The following GOLGA2 variants were observed in gnomAD, a reference collection of about 807,000 sequenced individuals.
The protein encoded by GOLGA2 is golgin subfamily A member 2.
In GOLGA2, 49 loss-of-function variants were observed where a neutral mutation model predicts 148.8. The ratio of observed to expected loss-of-function variants is 0.33; its 90% CI spans 0.26 to 0.42. GOLGA2 has a LOEUF of 0.42. GOLGA2 is among the 10% of genes least tolerant of loss of function. The pLI is 1.00. For synonymous variants in GOLGA2, 501 were observed against 511.8 expected (o/e 0.98, Z 0.28); for missense variants, 1,178 against 1,304.6 (o/e 0.90, Z 1.49).
chr9:128,268,305 C>A, intron 4 of GOLGA2, 115 bp downstream of exon 4: 1 of 1,035,118 alleles, frequency 9.7e-7, no homozygotes, highest in South Asian at 1.3e-5. Context: ...AGCCTTCCCC[C>A]GGCCCGGTCC....
intron 1 of GOLGA2, chr9:128,275,301 A>G (rs1384476227): frequency 1.2e-6 from 1 of 820,288 alleles, no homozygotes; most frequent in Non-Finnish European, 1.8e-6. Context: ...TCCTAAGATC[A>G]AAGACTGGTC....
At position 128,266,201 on chromosome 9, in the gene GOLGA2, T is replaced by G. The variant is rs1830586914; in HGVS notation, c.681+86A>C. ...TGAGCCTTCTTCCCCAGGCTGGGAG[T>G]GGGTGAGACGAGACTGAGGCCTCTA... On this transcript the variant is annotated intron_variant, in intron 9 of 26. Coordinates refer to ENST00000611957, the MANE Select transcript of GOLGA2 (RefSeq NM_001366244.2). This position sits in a 1 kb window ranked among gnomAD's most constrained non-coding sequence, Gnocchi z 4.2. The G allele has an allele frequency of 4.7e-5, 65 of 1,384,044 alleles. 2 individuals are homozygous for G. The South Asian group carries it at 7.5e-4, about 16-fold the overall frequency. The allele number at this position is 1,384,044 out of a possible 1,614,324, so 85.7% of individuals were successfully genotyped here.
chr9:128,266,236 G>A lies in GOLGA2; in HGVS notation c.681+51C>T. 7 of 1,520,726 alleles carry A rather than the reference G, an allele frequency of 4.6e-6. No homozygotes were observed. Among genetic ancestry groups the A allele is most frequent in the Non-Finnish European group, 6.4e-6 (7 of 1,095,608 alleles). The allele number at this position is 1,520,726 out of a possible 1,614,324, so 94.2% of individuals were successfully genotyped here. On this transcript the variant is annotated intron_variant, in intron 9 of 26. Transcript: ENST00000611957. The surrounding 1 kb of genome is among the most constrained non-coding windows in gnomAD (Gnocchi z 4.2). ...GAGACTGAGGCCTCTACATTTGAAT[G>A]CCCCCCAAACCCAGCAGTCATGTTG...
At chr9:128,273,714 C>A in intron 2 of GOLGA2, 136 bp downstream of exon 2, 1 of 1,126,306 alleles carries the variant, frequency 8.9e-7, no homozygotes, top group Non-Finnish European at 1.3e-6. Context: ...TAAATCACAT[C>A]CCTAGCAGAT....
At position 128,257,473 on chromosome 9, in the gene GOLGA2, T is replaced by C; in HGVS notation, c.2771A>G (p.Asn924Ser). The change falls in exon 26 of 27, where the codon AAC becomes AGC. Residue 924 changes from asparagine (N) to serine (S), a missense_variant. Coordinates refer to ENST00000611957, the MANE Select transcript of GOLGA2 (RefSeq NM_001366244.2). This position sits in a 1 kb window ranked among gnomAD's most constrained non-coding sequence, Gnocchi z 8.0. Reference protein sequence around the residue: ...ELVLRLVGDRNEWHGRFLAAA... With the variant: ...ELVLRLVGDRSEWHGRFLAAA... ...TGCCAGGAATCTGCCATGCCACTCG[T>C]TGCGGTCGCCCACAAGCCGTAAGAC... 3.7e-6 allele frequency: 6 copies of C among 1,613,374 alleles called. No individual in the cohort carries two copies. Among genetic ancestry groups the C allele is most frequent in the Non-Finnish European group, 5.1e-6 (6 of 1,179,976 alleles).
At position 128,261,212 on chromosome 9, in the gene GOLGA2, C is replaced by T; in HGVS notation, c.1380G>A (p.Gln460=). Residue 460 remains glutamine (Q), a synonymous_variant, in exon 17 of 27, where the codon CAG becomes CAA. Transcript: ENST00000611957. This position sits in a 1 kb window ranked among gnomAD's most constrained non-coding sequence, Gnocchi z 5.7. The part of the protein sequence containing the change: ...EEKECSMSRV[Q]ELETSLAELR... Reference sequence around the variant, plus strand: ...GTTCAGCCAAGCTCGTCTCCAGCTCCTGTACCCGACTCATGCTACATTCCT... The same window carrying T: ...GTTCAGCCAAGCTCGTCTCCAGCTCTTGTACCCGACTCATGCTACATTCCT... 1.2e-6 allele frequency: 2 copies of T among 1,614,054 alleles called. No homozygotes were observed. Among genetic ancestry groups the T allele is most frequent in the Non-Finnish European group, 1.7e-6 (2 of 1,179,908 alleles).
intron 3 of GOLGA2, among the ~76,000 whole-genome samples, chr9:128,268,756 C>T (rs749379194): frequency 3.9e-5 from 6 of 152,176 alleles, no homozygotes; most frequent in African/African-American, 7.2e-5. Context: ...TTCATGAACA[C>T]GAGGACCTCG....
chr9:128,257,270 C>T lies in GOLGA2; in HGVS notation c.2887G>A (p.Val963Met). ...AANQQGDLCE[V>M]SLAGSVEPAQ... The stretch of plus-strand genomic sequence containing the variant: ...GGCTCCACACTGCCGGCGAGGCTCA[C>T]CTCGCAAAGATCTTTGGAGAGAGAG... The change falls in exon 27 of 27, where the codon GTG becomes ATG. Residue 963 changes from valine to methionine, a missense_variant. Val to Met is a conservative substitution (Grantham distance 21, BLOSUM62 1). Around this residue, in one of 5 missense-constraint regions of GOLGA2, gnomAD observed 149 missense variants for 154.9 expected, o/e 0.96. Transcript: ENST00000611957. This position sits in a 1 kb window ranked among gnomAD's most constrained non-coding sequence, Gnocchi z 8.0. The T allele has an allele frequency of 6.2e-7, 1 of 1,612,986 alleles. No homozygotes were observed. The highest frequency in any genetic ancestry group is 8.5e-7 in the Non-Finnish European group (1 of 1,179,762).
Position 128,258,453 on chromosome 9 carries a change from A to G in GOLGA2, c.2289+2T>C. 2 of 1,611,784 alleles carry G rather than the reference A, an allele frequency of 1.2e-6. No homozygotes were observed. Among genetic ancestry groups the G allele is most frequent in the South Asian group, 1.1e-5 (1 of 90,900 alleles). ...AGGTTGGGGAGGGGGAGTCAGCCTC[A>G]CCATGGCTTCCCGGCTCTCCAGGTC... On this transcript the variant is annotated splice_donor_variant, in intron 22 of 26. Coordinates refer to ENST00000611957, the MANE Select transcript of GOLGA2 (RefSeq NM_001366244.2). LOFTEE classifies it high-confidence loss of function. This position sits in a 1 kb window ranked among gnomAD's most constrained non-coding sequence, Gnocchi z 6.6.
rs781537290 is a variant in GOLGA2, at chr9:128,267,961, G to T, written c.474C>A (p.Ser158=). The T allele has an allele frequency of 2.5e-6, 4 of 1,613,846 alleles. No individual in the cohort carries two copies. The East Asian group carries it at 6.7e-5, about 27-fold the overall frequency. Residue 158 remains serine, a synonymous_variant, in exon 6 of 27, where the codon TCC becomes TCA. Transcript: ENST00000611957. ...CACAAACAAGACCATTGAGCTGTTG[G>T]GAGAGTTGTCGCAGGCTCTCGGTTG... is the stretch of plus-strand genomic sequence containing the variant. ...FSSTESLRQL[S]QQLNGLVCES...
intron 3 of GOLGA2, among the ~76,000 whole-genome samples, chr9:128,270,194 C>T (rs1240848987): frequency 7.4e-6 from 1 of 135,080 alleles, no homozygotes. Flanking sequence ...AGTGTAGTGG[C>T]GAGATCTCCA....
chr9:128,262,698 G>A lies in GOLGA2; in HGVS notation c.999C>T (p.Ser333=), dbSNP rs755953881. 64 of 1,612,662 alleles carry A rather than the reference G, an allele frequency of 4.0e-5. No homozygotes were observed. Among genetic ancestry groups the A allele is most frequent in the Middle Eastern group, 1.8e-4 (1 of 5,684 alleles). The change falls in exon 14 of 27, where the codon AGC becomes AGT. Residue 333 remains serine (S), a synonymous_variant. Transcript: ENST00000611957. ...ATTTCTCTTGCTTCAGGTCCTCATT[G>A]CTTTGGCTATGGCCAGAGGCAGTAG... is the stretch of plus-strand genomic sequence containing the variant. The part of the protein sequence containing the change: ...LRLELYKNTQ[S]NEDLKQEKSE...
Position 128,259,019 on chromosome 9 carries a change from G to A in GOLGA2, c.2161C>T (p.His721Tyr). 6 of 1,601,596 alleles carry A rather than the reference G, an allele frequency of 3.7e-6. No homozygotes were observed. The highest frequency in any genetic ancestry group is 5.1e-6 in the Non-Finnish European group (6 of 1,172,260). ...QLRAQLSLMA[H>Y]PGEGDGLDRE... ...CAGGTTCCCGTACCTTCCCCAGGGT[G>A]AGCCATGAGGCTCAACTGGGCCCGT... is the stretch of plus-strand genomic sequence containing the variant. The change falls in exon 21 of 27, where the codon CAC (histidine) becomes TAC (tyrosine). Residue 721 changes from histidine to tyrosine, a missense_variant. By Grantham distance (83) the His-to-Tyr change is moderately conservative. Around this residue, in one of 5 missense-constraint regions of GOLGA2, gnomAD observed 529 missense variants for 521.8 expected, o/e 1.01. Transcript: ENST00000611957.
At chr9:128,264,203 G>A (rs1450337693) in intron 12 of GOLGA2, among the ~76,000 whole-genome samples, 1 of 151,176 alleles carries the variant, frequency 6.6e-6, no homozygotes, top group African/African-American at 2.4e-5. Context: ...GGAACAGGGA[G>A]AGAGAGCGAA....
chr9:128,266,102 A>G lies in GOLGA2; in HGVS notation c.682-82T>C, dbSNP rs1830581490. ...GGGACATGCCCCCAGAATGCCACCA[A>G]TGTCCCAGGACAGGCCCACCCATGG... On this transcript the variant is annotated intron_variant, in intron 9 of 26. Coordinates refer to ENST00000611957, the MANE Select transcript of GOLGA2 (RefSeq NM_001366244.2). The surrounding 1 kb of genome is among the most constrained non-coding windows in gnomAD (Gnocchi z 4.2). The G allele has an allele frequency of 7.0e-7, 1 of 1,422,614 alleles. No homozygotes were observed. The highest frequency in any genetic ancestry group is 9.9e-7 in the Non-Finnish European group (1 of 1,005,666). The allele number at this position is 1,422,614 out of a possible 1,614,324, so 88.1% of individuals were successfully genotyped here. A position where few individuals can be genotyped will look rare whatever the true frequency, so the allele number is the denominator to read the frequency against.
chr9:128,259,896 G>A (rs10119788), intron 19 of GOLGA2, among the ~76,000 whole-genome samples, 180 bp downstream of exon 19: 46 of 152,286 alleles, frequency 3.0e-4, no homozygotes, highest in African/African-American at 1.1e-3. Flanking sequence ...GACCTGAGAG[G>A]AGCCCAAAGC....
chr9:128,265,698 T>C lies in GOLGA2; in HGVS notation c.827-7A>G. 6.2e-7 allele frequency: 1 copy of C among 1,612,912 alleles called. No homozygotes were observed. The highest frequency in any genetic ancestry group is 8.5e-7 in the Non-Finnish European group (1 of 1,178,944). On this transcript the variant is annotated splice_polypyrimidine_tract_variant and splice_region_variant and intron_variant, in intron 11 of 26. Coordinates refer to ENST00000611957, the MANE Select transcript of GOLGA2 (RefSeq NM_001366244.2). ...GCCAGATCTTCAGACTCTCCTGGAA[T>C]GAGAGAGGTTGAGATGGGGCCCAAA...
rs766103252 is a variant in GOLGA2 at position 128,268,569 on chromosome 9, G to A, written c.289-45C>T. On this transcript the variant is annotated intron_variant, in intron 3 of 26. Coordinates refer to ENST00000611957, the MANE Select transcript of GOLGA2 (RefSeq NM_001366244.2). ...GGGGTTAGGGGGCCATGCGGGAGAG[G>A]TGCCTCAGTACTATGAACACAAGGG... The A allele has an allele frequency of 2.8e-5, 28 of 1,017,246 alleles. No individual in the cohort carries two copies. In the Admixed American group the frequency reaches 4.6e-4, roughly 17 times the overall value. The allele number at this position is 1,017,246 out of a possible 1,614,324, so 63.0% of individuals were successfully genotyped here.
rs1830060710 is a variant in GOLGA2 at position 128,258,629 on chromosome 9, T to A, written c.2174-59A>T. On this transcript the variant is annotated intron_variant, in intron 21 of 26. Coordinates refer to ENST00000611957, the MANE Select transcript of GOLGA2 (RefSeq NM_001366244.2). This position sits in a 1 kb window ranked among gnomAD's most constrained non-coding sequence, Gnocchi z 6.6. Reference sequence around the variant, plus strand: ...CCAACAAGGGTACAGTGGGCCCACCTCTGCCCCCACCCTCACTGTGTAACC... The same window carrying A: ...CCAACAAGGGTACAGTGGGCCCACCACTGCCCCCACCCTCACTGTGTAACC... The A allele has an allele frequency of 1.6e-6, 2 of 1,268,238 alleles. No individual in the cohort carries two copies. The highest frequency in any genetic ancestry group is 1.3e-5 in the South Asian group (1 of 74,818). 78.6% of individuals were successfully genotyped at this position (1,268,238 alleles called of 1,614,324 possible).
Sources: gnomAD v4.1 joint callset for allele counts (sites outside exome capture counted in the v4.1 genomes callset) on GRCh38, gnomAD v4.1.1 for gene constraint, gnomAD v4.1.1 regional missense constraint, Gnocchi (gnomAD v3.1) non-coding constraint, MANE v1.5 for transcripts, NCBI Gene and HGNC (gene_info 2026-07-23, HGNC 2026-07-21) for gene names.